TTC28: variants seen among roughly 807,000 people sequenced by gnomAD.
TTC28 encodes the protein tetratricopeptide repeat protein 28.
A neutral mutation model predicts 198.0 loss-of-function variants in TTC28; 61 were observed. The observed-to-expected ratio is 0.31, with a 90% CI of 0.25 to 0.38. The LOEUF (loss-of-function observed/expected upper bound fraction) is 0.38, where lower values mean the gene tolerates loss of function less well. Among genes scored for constraint, TTC28 ranks in the 10% least tolerant of loss-of-function variants. The pLI is 1.00. For synonymous variants in TTC28, 1,171 were observed against 1,297.8 expected (o/e 0.90, Z 2.10); for missense variants, 2,678 against 3,164.0 (o/e 0.85, Z 3.69).
At chr22:28,201,390 C>T (rs1208010015) in intron 5 of TTC28, among the ~76,000 whole-genome samples, 1 of 152,160 alleles carries the variant, frequency 6.6e-6, no homozygotes, top group Admixed American at 6.5e-5. Context: ...GGTCAAAACA[C>T]AGCAAGAAGA....
chr22:28,166,181 C>T (rs926782992), intron 5 of TTC28, among the ~76,000 whole-genome samples: 1 of 152,164 alleles, frequency 6.6e-6, no homozygotes, highest in Non-Finnish European at 1.5e-5. Flanking sequence ...AAAGCAAGCC[C>T]TTAGTGGCCT....
At chr22:28,058,264 G>C (rs1031850271) in intron 12 of TTC28, among the ~76,000 whole-genome samples, 1 of 152,096 alleles carries the variant, frequency 6.6e-6, no homozygotes, top group African/African-American at 2.4e-5. Context: ...ACAGTAGCTG[G>C]TCTGCAGACC....
chr22:28,508,383 A>C (rs574992413), intron 2 of TTC28, among the ~76,000 whole-genome samples: 73 of 152,302 alleles, frequency 4.8e-4, no homozygotes, highest in African/African-American at 1.7e-3. Context: ...TCCCGGGTTC[A>C]AGAGCTTCCC....
intron 2 of TTC28, among the ~76,000 whole-genome samples, chr22:28,379,995 G>A (rs775097703): frequency 4.0e-5 from 6 of 151,396 alleles, no homozygotes; most frequent in Admixed American, 2.0e-4. Context: ...AAATTTGTAC[G>A]GGCTACAATT....
chr22:28,440,545 G>GT (rs1312414640), intron 2 of TTC28, among the ~76,000 whole-genome samples: 1 of 152,164 alleles, frequency 6.6e-6, no homozygotes, highest in Non-Finnish European at 1.5e-5. Flanking sequence ...AAAACTAGTA[G>GT]TGACTGACAG....
intron 2 of TTC28, among the ~76,000 whole-genome samples, chr22:28,324,010 T>TAGAA: frequency 6.6e-6 from 1 of 152,312 alleles, no homozygotes; most frequent in South Asian, 2.1e-4. Context: ...ATAGTATATC[T>TAGAA]GGTGAAAATA....
chr22:28,398,826 C>A (rs943168755), intron 2 of TTC28, among the ~76,000 whole-genome samples: 1 of 152,118 alleles, frequency 6.6e-6, no homozygotes, highest in African/African-American at 2.4e-5. Flanking sequence ...GTAAACATGA[C>A]CTATCAAGTG....
intron 2 of TTC28, among the ~76,000 whole-genome samples, chr22:28,400,177 C>T (rs971179952): frequency 8.5e-5 from 13 of 152,172 alleles, no homozygotes; most frequent in Non-Finnish European, 5.9e-5. Flanking sequence ...AGATGAAATT[C>T]GGTTATTCAA....
chr22:28,357,867 T>A (rs1601683810), intron 2 of TTC28, among the ~76,000 whole-genome samples: 1 of 152,142 alleles, frequency 6.6e-6, no homozygotes, highest in African/African-American at 2.4e-5. Context: ...TACACTGGGA[T>A]GCAACATGAG....
At chr22:28,294,450 T>C (rs1373940119) in intron 5 of TTC28, among the ~76,000 whole-genome samples, 1 of 152,194 alleles carries the variant, frequency 6.6e-6, no homozygotes, top group African/African-American at 2.4e-5. Flanking sequence ...TACAATGATA[T>C]TTCTTTACCA....
At chr22:28,279,053 C>G (rs998019343) in intron 5 of TTC28, among the ~76,000 whole-genome samples, 1 of 151,928 alleles carries the variant, frequency 6.6e-6, no homozygotes, top group Admixed American at 6.6e-5. Flanking sequence ...CTTTCACTAC[C>G]AAGACTTCTA....
chr22:28,190,743 A>G (rs1278192734), intron 5 of TTC28, among the ~76,000 whole-genome samples: 1 of 152,184 alleles, frequency 6.6e-6, no homozygotes, highest in African/African-American at 2.4e-5. Flanking sequence ...ATGCATTTTC[A>G]AGTTCCCCAC....
intron 2 of TTC28, among the ~76,000 whole-genome samples, chr22:28,546,544 T>C (rs1424028122): frequency 2.0e-5 from 3 of 152,254 alleles, no homozygotes; most frequent in Non-Finnish European, 2.9e-5. Flanking sequence ...GCATGTAAAG[T>C]GGTACAAACA....
At position 28,117,732 on chromosome 22, in the gene TTC28, CT is replaced by C. The variant is rs1355556478; in HGVS notation, c.1442-9330del. On this transcript the variant is annotated intron_variant, in intron 6 of 22. Coordinates refer to ENST00000397906, the MANE Select transcript of TTC28 (RefSeq NM_001145418.2). ...CATACATTTTGTCACCAGAACCCCC[CT>C]ATTTAAATTCTCTCTTGAGAAATTT... Among the ~76,000 whole-genome samples, 3 of 152,326 alleles carry C rather than the reference CT, an allele frequency of 2.0e-5. No homozygotes were observed. The East Asian group carries it at 5.8e-4, about 29-fold the overall frequency.
chr22:28,177,141 T>C (rs534025945), intron 5 of TTC28, among the ~76,000 whole-genome samples: 111 of 152,264 alleles, frequency 7.3e-4, no homozygotes, highest in African/African-American at 2.6e-3. Flanking sequence ...AAAAGACTTA[T>C]ATCAAAAATA....
At chr22:28,253,657 G>A (rs565799327) in intron 5 of TTC28, among the ~76,000 whole-genome samples, 109 of 152,274 alleles carry the variant, frequency 7.2e-4, no homozygotes, top group African/African-American at 2.4e-3. Context: ...ACTCCACATA[G>A]GGAGGAGCTA....
chr22:28,605,533 C>T (rs2050715062), intron 2 of TTC28, among the ~76,000 whole-genome samples: 2 of 152,148 alleles, frequency 1.3e-5, no homozygotes, highest in African/African-American at 2.4e-5. Context: ...TTTATCTCAT[C>T]TCTTATAACA....
At chr22:28,404,537 C>T (rs1400264933) in intron 2 of TTC28, among the ~76,000 whole-genome samples, 1 of 152,182 alleles carries the variant, frequency 6.6e-6, no homozygotes, top group Non-Finnish European at 1.5e-5. Flanking sequence ...GTCAGCCCAT[C>T]TGATTCCCTC....
rs1251858746 is a variant in TTC28 at position 28,105,791 on chromosome 22, C to A, written c.2795G>T (p.Ser932Ile). 1.9e-6 allele frequency: 3 copies of A among 1,550,566 alleles called. No homozygotes were observed. The East Asian group carries it at 7.3e-5, about 38-fold the overall frequency. Residue 932 changes from serine to isoleucine, a missense_variant, in exon 8 of 23, where the codon AGC becomes ATC. By Grantham distance (142) the Ser-to-Ile change is moderately radical (BLOSUM62 -2). Transcript: ENST00000397906. ...GLGNGHRAMG[S>I]LQQALVCFEK... is the part of the protein sequence containing the mutation. ...AAAGCACACAAGGGCTTGCTGCAAG[C>A]TCCCCATTGCCCTGTGGGGATGTAG...
Sources: allele counts gnomAD v4.1 joint callset (sites outside exome capture counted in the v4.1 genomes callset), GRCh38; gene constraint gnomAD v4.1.1; transcripts MANE v1.5; gene names NCBI Gene and HGNC (gene_info 2026-07-23, HGNC 2026-07-21).